Variants in HABP2 observed in about 807,000 individuals in gnomAD.
HABP2 encodes the protein hyaluronan binding protein 2.
Under a neutral mutation model 66.5 loss-of-function variants are expected in HABP2, and 65 were observed. The observed-to-expected ratio is 0.98, with a 90% CI of 0.80 to 1.20. The LOEUF is 1.20. HABP2 is among the 50% of genes most tolerant of loss of function. The pLI is 0.00. For missense variants in HABP2, 786 were observed against 691.0 expected, an observed-to-expected ratio of 1.14 and a Z score of -1.54; for synonymous variants, 263 against 253.9, an observed-to-expected ratio of 1.04 and a Z score of -0.34.
rs1398747240 is a variant in HABP2, at chr10:113,589,205, T to TC, written c.*840dup. 3 of 708,542 alleles carry TC rather than the reference T, an allele frequency of 4.2e-6. No homozygotes were observed. Among genetic ancestry groups the TC allele is most frequent in the Admixed American group, 5.6e-5 (2 of 35,752 alleles). The allele number at this position is 708,542 out of a possible 1,614,324, so 43.9% of individuals were successfully genotyped here. A position where few individuals can be genotyped will look rare whatever the true frequency, so the allele number is the denominator to read the frequency against. On this transcript the variant is annotated 3_prime_UTR_variant, in exon 13 of 13. Transcript: ENST00000351270. ...AACAGGCTCACCCTCCCTTTCCTTT[T>TC]CCCCTCTTCTACCCTCCCCAAGAAA... is the stretch of plus-strand genomic sequence containing the variant.
At chr10:113,559,112 C>T (rs914794980) in intron 1 of HABP2, among the ~76,000 whole-genome samples, 9 of 152,208 alleles carry the variant, frequency 5.9e-5, no homozygotes, top group Non-Finnish European at 1.2e-4. Flanking sequence ...GCCCTGGCCT[C>T]CCAAAGTGCT....
At position 113,562,969 on chromosome 10, in the gene HABP2, TAGTTA is replaced by T. The variant is rs1318117403; in HGVS notation, c.70-4514_70-4510del. 8.5e-5 allele frequency among the ~76,000 whole-genome samples: 13 copies of T among 152,260 alleles called. No individual in the cohort carries two copies. The East Asian group carries it at 2.5e-3, about 29-fold the overall frequency. On this transcript the variant is annotated intron_variant, in intron 1 of 12. Coordinates refer to ENST00000351270, the MANE Select transcript of HABP2 (RefSeq NM_004132.5). ...CTCCTGTTCTGGCTCCAGCATTTCC[TAGTTA>T]AGTTATTTTAGACAACTTAATATCT...
intron 1 of HABP2, among the ~76,000 whole-genome samples, chr10:113,555,328 T>C (rs1844972416): frequency 1.3e-5 from 2 of 152,162 alleles, no homozygotes; most frequent in Admixed American, 1.3e-4. Context: ...GTAGCCAGTC[T>C]CCTGTCTGGG....
rs934657131 is a variant in HABP2 at position 113,582,848 on chromosome 10, G to A, written c.1095-368G>A. On this transcript the variant is annotated intron_variant, in intron 9 of 12. Transcript: ENST00000351270. ...TGAAGGTCTTCCAGTTCACCTTATA[G>A]TAAATGATTTCTCTGGGATTCTAGG... Among the ~76,000 whole-genome samples the A allele has an allele frequency of 9.2e-5, 14 of 152,206 alleles. No homozygotes were observed. The East Asian group carries it at 2.7e-3, about 29-fold the overall frequency.
At position 113,562,878 on chromosome 10, in the gene HABP2, C is replaced by T. The variant is rs7902950; in HGVS notation, c.70-4611C>T. ...CATCCTTGCTTTATTACTGTGTACA[C>T]GTGGCAGCTTCCTGGTCCCTCACAA... On this transcript the variant is annotated intron_variant, in intron 1 of 12. Transcript: ENST00000351270. 6.2e-3 allele frequency among the ~76,000 whole-genome samples: 947 copies of T among 152,316 alleles called. 8 individuals are homozygous for T. Among genetic ancestry groups the T allele is most frequent in the African/African-American group, 0.022 (895 of 41,564 alleles).
chr10:113,552,384 A>G (rs1844913668), upstream of HABP2, among the ~76,000 whole-genome samples: 1 of 152,264 alleles, frequency 6.6e-6, no homozygotes, highest in African/African-American at 2.4e-5. Context: ...TCTACCTGCA[A>G]CCAGCATAGC....
At chr10:113,585,738 T>A in intron 11 of HABP2, 55 bp from the exon 12 acceptor site, 1 of 1,415,176 alleles carries the variant, frequency 7.1e-7, no homozygotes. Flanking sequence ...CTGGTGGGGT[T>A]GGTGCCACCC....
chr10:113,562,927 G>A (rs935362563), intron 1 of HABP2, among the ~76,000 whole-genome samples: 1 of 152,198 alleles, frequency 6.6e-6, no homozygotes, highest in Non-Finnish European at 1.5e-5. Flanking sequence ...CAAGGACTCT[G>A]ATGTGAGACT....
Position 113,575,898 on chromosome 10 carries a change from T to C in HABP2, c.225T>C (p.Asp75=), listed in dbSNP as rs751110112. ...PDWYYTEDQA[D]PCQPNPCEHG... is the part of the protein sequence containing the mutation. Reference sequence around the variant, plus strand: ...TTGCCTTCTTCCTGTGTGTCTTAGATCCATGCCAGCCCAACCCCTGTGAAC... The same window carrying C: ...TTGCCTTCTTCCTGTGTGTCTTAGACCCATGCCAGCCCAACCCCTGTGAAC... Residue 75 remains aspartate, a splice_region_variant and synonymous_variant, in exon 4 of 13, where the codon GAT becomes GAC. Coordinates refer to ENST00000351270, the MANE Select transcript of HABP2 (RefSeq NM_004132.5). The C allele has an allele frequency of 4.4e-6, 7 of 1,588,362 alleles. No individual in the cohort carries two copies. The South Asian group carries it at 7.7e-5, about 18-fold the overall frequency.
chr10:113,565,707 C>T (rs1175157044), intron 1 of HABP2, among the ~76,000 whole-genome samples: 1 of 152,210 alleles, frequency 6.6e-6, no homozygotes, highest in Non-Finnish European at 1.5e-5. Context: ...CACTCAATGT[C>T]CTTTTTGCCA....
intron 1 of HABP2, among the ~76,000 whole-genome samples, chr10:113,564,757 T>G (rs1845166344): frequency 6.6e-6 from 1 of 152,248 alleles, no homozygotes; most frequent in African/African-American, 2.4e-5. Context: ...GTGTCTCTCA[T>G]TCTCCTGTGT....
rs1845746113 is a variant in HABP2, at chr10:113,588,919, T to C, written c.*550T>C. 1 of 1,398,944 alleles carries C rather than the reference T, an allele frequency of 7.1e-7. No individual in the cohort carries two copies. The highest frequency in any genetic ancestry group is 1.0e-6 in the Non-Finnish European group (1 of 986,644). 86.7% of individuals were successfully genotyped at this position (1,398,944 alleles called of 1,614,324 possible). A position where few individuals can be genotyped will look rare whatever the true frequency, so the allele number is the denominator to read the frequency against. ...GCCGAAATCAAAGCCATCTGAAGCC[T>C]GTCTCTGGTGAACAAACTTCCTCTC... On this transcript the variant is annotated 3_prime_UTR_variant, in exon 13 of 13. Transcript: ENST00000351270.
At chr10:113,565,038 G>A (rs983973350) in intron 1 of HABP2, among the ~76,000 whole-genome samples, 5 of 152,156 alleles carry the variant, frequency 3.3e-5, no homozygotes, top group African/African-American at 1.2e-4. Flanking sequence ...AGTGGAGACG[G>A]GGTTTCACTG....
At chr10:113,587,338 C>CAAACAA (rs1845663029) in intron 12 of HABP2, among the ~76,000 whole-genome samples, 3 of 150,810 alleles carry the variant, frequency 2.0e-5, no homozygotes, top group African/African-American at 7.3e-5. Flanking sequence ...AACAAACAAA[C>CAAACAA]AAAAAAAAAC....
rs200022561 is a variant in HABP2 at position 113,588,284 on chromosome 10, G to A, written c.1598G>A (p.Cys533Tyr). 1.9e-6 allele frequency: 3 copies of A among 1,613,490 alleles called. No individual in the cohort carries two copies. The highest frequency in any genetic ancestry group is 2.5e-6 in the Non-Finnish European group (3 of 1,179,610). The part of the protein sequence containing the change: ...VYGIVSWGLE[C>Y]GKRPGVYTQV... ...GGGATAGTGAGCTGGGGCCTGGAGTGTGGGAAGAGGCCAGGGGTCTACACC... is the reference window on the plus strand; with the variant it reads ...GGGATAGTGAGCTGGGGCCTGGAGTATGGGAAGAGGCCAGGGGTCTACACC... The change falls in exon 13 of 13, where the codon TGT (cysteine) becomes TAT (tyrosine). Residue 533 changes from cysteine (C) to tyrosine (Y), a missense_variant. Transcript: ENST00000351270.
intron 3 of HABP2, among the ~76,000 whole-genome samples, chr10:113,574,959 G>A (rs1430430306): frequency 1.3e-5 from 2 of 152,118 alleles, no homozygotes; most frequent in Non-Finnish European, 2.9e-5. Flanking sequence ...ATGTGTGTGT[G>A]TGTATTCATA....
At chr10:113,573,121 C>T (rs1259107976) in intron 2 of HABP2, among the ~76,000 whole-genome samples, 1 of 152,184 alleles carries the variant, frequency 6.6e-6, no homozygotes, top group Admixed American at 6.5e-5. Flanking sequence ...CTCTGGACAG[C>T]TTCCTTGCAG....
At chr10:113,575,211 G>A (rs1315149057) in intron 3 of HABP2, among the ~76,000 whole-genome samples, 7 of 152,194 alleles carry the variant, frequency 4.6e-5, no homozygotes, top group Admixed American at 2.6e-4. Context: ...AGGGCCCAGG[G>A]ATCCTAGTTC....
intron 1 of HABP2, among the ~76,000 whole-genome samples, chr10:113,555,490 A>G (rs1844974910): frequency 6.6e-6 from 1 of 152,230 alleles, no homozygotes; most frequent in East Asian, 1.9e-4. Context: ...AGGCAGCTAT[A>G]GGATCTGTGG....
Sources: gnomAD v4.1 joint callset for allele counts (sites outside exome capture counted in the v4.1 genomes callset) on GRCh38, gnomAD v4.1.1 for gene constraint, MANE v1.5 for transcripts, NCBI Gene and HGNC (gene_info 2026-07-23, HGNC 2026-07-21) for gene names.